Variants in MYO10 observed in about 807,000 individuals in gnomAD.
MYO10 encodes the protein unconventional myosin-X.
Under a neutral mutation model 257.3 loss-of-function variants are expected in MYO10, and 133 were observed. The observed-to-expected ratio is 0.52, with a 90% confidence interval of 0.45 to 0.60. The LOEUF is 0.60. MYO10 is among the 20% of genes least tolerant of loss of function. MYO10 has a pLI of 0.00. For synonymous variants in MYO10, 1,104 were observed against 1,028.6 expected, an observed-to-expected ratio of 1.07 and a Z score of -1.40; for missense variants, 2,399 against 2,635.7, an observed-to-expected ratio of 0.91 and a Z score of 1.97.
rs1560979466 is a variant in MYO10, at chr5:16,777,839, C to CCTTTTTTTT, written c.930+1705_930+1706insAAAAAAAAG. 9.0e-5 allele frequency among the ~76,000 whole-genome samples: 8 copies of CCTTTTTTTT among 88,478 alleles called. 1 individual carries two copies. Among genetic ancestry groups the CCTTTTTTTT allele is most frequent in the African/African-American group, 2.1e-4 (4 of 18,634 alleles). 58.0% of individuals were successfully genotyped at this position (88,478 alleles called of 152,430 possible). A position where few individuals can be genotyped will look rare whatever the true frequency, so the allele number is the denominator to read the frequency against. ...GCCACCCTAGGTGCATTGCATCTAA[C>CCTTTTTTTT]TTTTTTTTTTTTTTTTTTTTTTTTT... On this transcript the variant is annotated intron_variant, in intron 9 of 40. Transcript: ENST00000513610.
intron 39 of MYO10, among the ~76,000 whole-genome samples, chr5:16,668,798 G>A (rs1290186811): frequency 6.6e-6 from 1 of 152,128 alleles, no homozygotes; most frequent in Non-Finnish European, 1.5e-5. Flanking sequence ...TGCTTGGCCG[G>A]GGGACTTAAG....
intron 19 of MYO10, among the ~76,000 whole-genome samples, chr5:16,728,804 A>C (rs1739469094): frequency 6.6e-6 from 1 of 152,240 alleles, no homozygotes; most frequent in Admixed American, 6.5e-5. Flanking sequence ...CGTGACTCCA[A>C]GTGTGGCCTG....
intron 3 of MYO10, among the ~76,000 whole-genome samples, chr5:16,803,261 A>C (rs1180485908): frequency 6.6e-6 from 1 of 152,004 alleles, no homozygotes; most frequent in African/African-American, 2.4e-5. Context: ...CTGTCTCTAC[A>C]AAAAATACAT....
intron 9 of MYO10, among the ~76,000 whole-genome samples, chr5:16,770,988 G>A (rs1054216561): frequency 5.9e-5 from 9 of 152,114 alleles, no homozygotes; most frequent in East Asian, 1.9e-4. Flanking sequence ...GGCTGGTCTC[G>A]AACTCCCAAC....
intron 13 of MYO10, 22 bp from the exon 14 acceptor site, chr5:16,763,569 C>G: frequency 6.2e-7 from 1 of 1,601,152 alleles, no homozygotes; most frequent in Non-Finnish European, 8.6e-7. Flanking sequence ...TTTTAAACAG[C>G]CAAGTTAAAT....
chr5:16,770,279 C>G (rs985882439), intron 9 of MYO10, among the ~76,000 whole-genome samples: 6 of 152,120 alleles, frequency 3.9e-5, no homozygotes, highest in African/African-American at 1.4e-4. Context: ...GATGGAAAAT[C>G]TAAATAGATC....
intron 1 of MYO10, among the ~76,000 whole-genome samples, chr5:16,887,275 G>A (rs1306513884): frequency 6.6e-6 from 1 of 152,108 alleles, no homozygotes; most frequent in East Asian, 1.9e-4. Flanking sequence ...AAAAGAAAGC[G>A]GTAAAAGGTA....
Position 16,872,630 on chromosome 5 carries a change from T to C in MYO10, c.120+4979A>G, listed in dbSNP as rs1272906318. Reference sequence around the variant, plus strand: ...AGAAAGGGAAAGAATGCTATATTAGTCTGTTTTCATGCTGCTGATAAAGAC... The same window carrying C: ...AGAAAGGGAAAGAATGCTATATTAGCCTGTTTTCATGCTGCTGATAAAGAC... On this transcript the variant is annotated intron_variant, in intron 2 of 40. Coordinates refer to ENST00000513610, the MANE Select transcript of MYO10 (RefSeq NM_012334.3). Among the ~76,000 whole-genome samples, 5 of 152,324 alleles carry C rather than the reference T, an allele frequency of 3.3e-5. No individual in the cohort carries two copies. In the East Asian group the frequency reaches 9.6e-4, roughly 29 times the overall value.
At chr5:16,667,593 C>T (rs1736233630) in intron 40 of MYO10, among the ~76,000 whole-genome samples, 1 of 150,412 alleles carries the variant, frequency 6.6e-6, no homozygotes, top group South Asian at 2.1e-4. Flanking sequence ...ACCCTCTTCC[C>T]TCTCACTGCA....
chr5:16,817,296 C>T (rs1402663356), intron 3 of MYO10, among the ~76,000 whole-genome samples: 2 of 152,110 alleles, frequency 1.3e-5, no homozygotes, highest in Non-Finnish European at 2.9e-5. Context: ...CCTTTAGTTT[C>T]CTATAAAGAC....
Position 16,694,537 on chromosome 5 carries a change from C to T in MYO10, c.3634G>A (p.Glu1212Lys). 1 of 1,613,986 alleles carries T rather than the reference C, an allele frequency of 6.2e-7. No individual in the cohort carries two copies. Among genetic ancestry groups the T allele is most frequent in the Non-Finnish European group, 8.5e-7 (1 of 1,179,902 alleles). ...TGGAGCCAGCCTTGCTTGAGGGCCT[C>T]CTGCTTGGAGCGGAACCACAAGAAG... ...ETFLWFRSKQEALKQGWLHKK... is the reference protein window; with the variant it reads ...ETFLWFRSKQKALKQGWLHKK... Residue 1212 changes from glutamate (E) to lysine (K), a missense_variant, in exon 27 of 41, where the codon GAG (glutamate) becomes AAG (lysine). By Grantham distance (56) the Glu-to-Lys change is moderately conservative. This residue lies in a region of MYO10 where 1,820 missense variants were observed against 1,939.4 expected (regional missense o/e 0.94). Coordinates refer to ENST00000513610, the MANE Select transcript of MYO10 (RefSeq NM_012334.3).
chr5:16,738,047 T>C, intron 19 of MYO10: 1 of 905,260 alleles, frequency 1.1e-6, no homozygotes, highest in Non-Finnish European at 1.3e-6. Flanking sequence ...ACTAGGAAAA[T>C]CAAGTAAGTT....
At chr5:16,897,114 C>A (rs1745240840) in intron 1 of MYO10, among the ~76,000 whole-genome samples, 1 of 152,098 alleles carries the variant, frequency 6.6e-6, no homozygotes, top group East Asian at 1.9e-4. Flanking sequence ...GGTATATACA[C>A]CTCTGTGGCT....
intron 36 of MYO10, among the ~76,000 whole-genome samples, chr5:16,673,075 G>A (rs1392905087): frequency 6.6e-6 from 1 of 152,186 alleles, no homozygotes; most frequent in Non-Finnish European, 1.5e-5. Context: ...AGAGGCAGAT[G>A]CTGGGCTGAT....
chr5:16,916,947 TTCAA>T (rs1745838709), intron 1 of MYO10, among the ~76,000 whole-genome samples: 1 of 152,002 alleles, frequency 6.6e-6, no homozygotes, highest in Non-Finnish European at 1.5e-5. Context: ...CGTCAGCCCC[TTCAA>T]TCTTTCTTTC....
At chr5:16,741,521 AAAG>A (rs1386872269) in intron 19 of MYO10, among the ~76,000 whole-genome samples, 3 of 152,238 alleles carry the variant, frequency 2.0e-5, no homozygotes, top group Admixed American at 1.3e-4. Context: ...TAATATTAAA[AAAG>A]AAGTTTTCCT....
At position 16,704,188 on chromosome 5, in the gene MYO10, G is replaced by A. The variant is rs35761253; in HGVS notation, c.2276+391C>T. ...AATTTTTTTTTAATTAGCCAGGCATGGTGGTGTGTGTCTGTAGTCCCAACT... is the reference window on the plus strand; with the variant it reads ...AATTTTTTTTTAATTAGCCAGGCATAGTGGTGTGTGTCTGTAGTCCCAACT... On this transcript the variant is annotated intron_variant, in intron 22 of 40. Coordinates refer to ENST00000513610, the MANE Select transcript of MYO10 (RefSeq NM_012334.3). Among the ~76,000 whole-genome samples the A allele has an allele frequency of 1.8e-3, 273 of 152,080 alleles. 1 individual carries two copies. The highest frequency in any genetic ancestry group is 3.5e-3 in the Admixed American group (53 of 15,266).
intron 19 of MYO10, among the ~76,000 whole-genome samples, chr5:16,717,432 G>A (rs1738920853): frequency 6.6e-6 from 1 of 152,162 alleles, no homozygotes; most frequent in Admixed American, 6.5e-5. Context: ...TTAAGCACAA[G>A]GAACATTCCT....
intron 3 of MYO10, among the ~76,000 whole-genome samples, chr5:16,801,324 C>T (rs1742114253): frequency 6.6e-6 from 1 of 152,146 alleles, no homozygotes. Flanking sequence ...TCTCCTGCCT[C>T]AGCCTCCCGA....
Sources: gnomAD v4.1 joint callset for allele counts (sites outside exome capture counted in the v4.1 genomes callset) on GRCh38, gnomAD v4.1.1 for gene constraint, gnomAD v4.1.1 regional missense constraint, MANE v1.5 for transcripts, NCBI Gene and HGNC (gene_info 2026-07-23, HGNC 2026-07-21) for gene names.